FLII: variants seen among roughly 807,000 people sequenced by gnomAD.
FLII encodes protein flightless-1 homolog.
A neutral mutation model predicts 156.2 loss-of-function variants in FLII; 101 were observed. The observed-to-expected ratio is 0.65, with a 90% CI of 0.55 to 0.76. The LOEUF is 0.76. Ranked by LOEUF, FLII falls within the 30% of genes least tolerant of loss-of-function variation. FLII has a pLI of 0.00. For synonymous variants in FLII, 767 were observed against 685.8 expected (o/e 1.12, Z -1.85); for missense variants, 1,675 against 1,682.8 (o/e 1.00, Z 0.08).
Position 18,246,471 on chromosome 17 carries a change from G to T in FLII, c.3052-9C>A. 6.2e-7 allele frequency: 1 copy of T among 1,613,758 alleles called. No homozygotes were observed. The highest frequency in any genetic ancestry group is 8.5e-7 in the Non-Finnish European group (1 of 1,179,978). On this transcript the variant is annotated splice_polypyrimidine_tract_variant and intron_variant, in intron 23 of 29. Coordinates refer to ENST00000327031, the MANE Select transcript of FLII (RefSeq NM_002018.4). ...TGCGTCATGCGTACCACCTGGGGAT[G>T]TGGAAGTGTTAGGGGCAGCTCCCTG... is the stretch of plus-strand genomic sequence containing the variant.
chr17:18,251,129 C>G, intron 13 of FLII, 112 bp from the exon 14 acceptor site: 1 of 1,421,706 alleles, frequency 7.0e-7, no homozygotes, highest in Non-Finnish European at 9.5e-7. Flanking sequence ...TGTACTGCCC[C>G]TGTGCCTGGA....
chr17:18,248,082 C>T lies in FLII; in HGVS notation c.2191-49G>A, dbSNP rs201284574. The stretch of plus-strand genomic sequence containing the variant: ...AGGGAAGGGATCTGGAGACAGGAAC[C>T]TCACCCACACAGCCCTCTGCTCTGG... On this transcript the variant is annotated intron_variant, in intron 18 of 29. Coordinates refer to ENST00000327031, the MANE Select transcript of FLII (RefSeq NM_002018.4). The T allele has an allele frequency of 2.1e-4, 274 of 1,314,000 alleles. No homozygotes were observed. In the African/African-American group the frequency reaches 3.7e-3, roughly 18 times the overall value. The allele number at this position is 1,314,000 out of a possible 1,614,324, so 81.4% of individuals were successfully genotyped here. A position where few individuals can be genotyped will look rare whatever the true frequency, so the allele number is the denominator to read the frequency against.
Position 18,257,012 on chromosome 17 carries a change from T to G in FLII, c.71A>C (p.Tyr24Ser). The G allele has an allele frequency of 6.2e-7, 1 of 1,603,552 alleles. No homozygotes were observed. Among genetic ancestry groups the G allele is most frequent in the South Asian group, 1.1e-5 (1 of 89,244 alleles). The change falls in exon 2 of 30, where the codon TAC becomes TCC. Residue 24 changes from tyrosine (Y) to serine (S), a missense_variant. Physicochemically the swap from Tyr to Ser is moderately radical, Grantham distance 144. Around this residue, in one of 2 missense-constraint regions of FLII, gnomAD observed 343 missense variants for 413.5 expected, o/e 0.83. Transcript: ENST00000327031. ...CATGGCCTTGACATTCTCAGGGAAGTAGCCGCCCTGGGGGAAGGATGTCAA... is the reference window on the plus strand; with the variant it reads ...CATGGCCTTGACATTCTCAGGGAAGGAGCCGCCCTGGGGGAAGGATGTCAA... ...DLSGNDFKGG[Y>S]FPENVKAMTS...
chr17:18,258,571 G>T lies in FLII; in HGVS notation c.63+57C>A. Reference sequence around the variant, plus strand: ...CGGGACAGGAAGCGGAGGCCAAGCGGGCCGGGCGGAAGAGAAGGCCTGCAG... The same window carrying T: ...CGGGACAGGAAGCGGAGGCCAAGCGTGCCGGGCGGAAGAGAAGGCCTGCAG... On this transcript the variant is annotated intron_variant, in intron 1 of 29. Transcript: ENST00000327031. This position sits in a 1 kb window ranked among gnomAD's most constrained non-coding sequence, Gnocchi z 4.2. The T allele has an allele frequency of 1.2e-5, 18 of 1,525,692 alleles. No individual in the cohort carries two copies. The South Asian group carries it at 2.2e-4, about 18-fold the overall frequency. 94.5% of individuals were successfully genotyped at this position (1,525,692 alleles called of 1,614,324 possible).
At chr17:18,256,876 G>T in intron 2 of FLII, 33 bp downstream of exon 2, 1 of 1,459,288 alleles carries the variant, frequency 6.9e-7, no homozygotes, top group South Asian at 1.2e-5. Flanking sequence ...CTCATCCACA[G>T]GGACCCTCCC....
chr17:18,258,594 C>A lies in FLII; in HGVS notation c.63+34G>T. 1 of 1,541,374 alleles carries A rather than the reference C, an allele frequency of 6.5e-7. No individual in the cohort carries two copies. Among genetic ancestry groups the A allele is most frequent in the Non-Finnish European group, 8.7e-7 (1 of 1,152,824 alleles). On this transcript the variant is annotated intron_variant, in intron 1 of 29. Coordinates refer to ENST00000327031, the MANE Select transcript of FLII (RefSeq NM_002018.4). The surrounding 1 kb of genome is among the most constrained non-coding windows in gnomAD (Gnocchi z 4.2). ...CGGGCCGGGCGGAAGAGAAGGCCTG[C>A]AGGGAGGCCCGGCACGCGCCCGGCC...
intron 4 of FLII, 62 bp from the exon 5 acceptor site, chr17:18,254,916 C>T (rs1486231164): frequency 3.9e-6 from 6 of 1,548,626 alleles, no homozygotes; most frequent in Non-Finnish European, 5.4e-6. Context: ...GTCTGCCAAG[C>T]TTGGGGATCA....
intron 1 of FLII, among the ~76,000 whole-genome samples, chr17:18,257,465 C>T (rs2048457443): frequency 1.3e-5 from 2 of 152,350 alleles, no homozygotes; most frequent in South Asian, 4.1e-4. Flanking sequence ...GGGTCAAACC[C>T]TTGCTTGCGG....
intron 18 of FLII, 111 bp downstream of exon 18, chr17:18,248,439 C>T (rs2048156347): frequency 2.9e-6 from 3 of 1,027,054 alleles, no homozygotes; most frequent in Non-Finnish European, 4.2e-6. Context: ...GCACCCTCTC[C>T]CCACCAAAGT....
At chr17:18,258,903 C>G (rs957392529), upstream of FLII, 5 of 281,828 alleles carry the variant, frequency 1.8e-5, no homozygotes, top group Admixed American at 5.3e-5. The surrounding 1 kb of genome is among the most constrained non-coding windows in gnomAD (Gnocchi z 4.2). Flanking sequence ...GCGGGCCCCC[C>G]CTGTGCTGGA....
chr17:18,247,587 A>G, intron 20 of FLII, 70 bp downstream of exon 20: 2 of 1,385,594 alleles, frequency 1.4e-6, no homozygotes, highest in Non-Finnish European at 1.9e-6. Context: ...GAGGTAGTGA[A>G]GCCACAGGGG....
intron 21 of FLII, 37 bp downstream of exon 21, chr17:18,247,132 C>T (rs774983584): frequency 7.8e-5 from 42 of 536,156 alleles, no homozygotes; most frequent in Non-Finnish European, 1.2e-4. Context: ...TGCCCCCCAC[C>T]CCCCCCCCCG....
chr17:18,247,054 T>G lies in FLII; in HGVS notation c.2677-2A>C. ...CCACTCCTCCATCAGCTGCTCCGCC[T>G]GCAGGTGAGAGGGACCCGCCCCGCG... On this transcript the variant is annotated splice_acceptor_variant, in intron 21 of 29. Transcript: ENST00000327031. LOFTEE classifies it high-confidence loss of function. The G allele has an allele frequency of 6.2e-7, 1 of 1,612,334 alleles. No individual in the cohort carries two copies. Among genetic ancestry groups the G allele is most frequent in the Non-Finnish European group, 8.5e-7 (1 of 1,179,950 alleles).
chr17:18,257,294 A>G, intron 1 of FLII: 1 of 446,168 alleles, frequency 2.2e-6, no homozygotes, highest in Admixed American at 4.1e-5. Context: ...TTCAGGTGAA[A>G]GCCCAGCATC....
rs1244235210 is a variant in FLII at position 18,258,661 on chromosome 17, C to G, written c.30G>C (p.Val10=). Residue 10 remains valine (V), a synonymous_variant, in exon 1 of 30, where the codon GTG becomes GTC. Transcript: ENST00000327031. The surrounding 1 kb of genome is among the most constrained non-coding windows in gnomAD (Gnocchi z 4.2). ...CGTTGCCGCTGAGGTCCACGCCACG[C>G]ACGAACGGCAGCACCCCGGTGGCCT... MEATGVLPF[V]RGVDLSGNDF... 3.9e-6 allele frequency: 6 copies of G among 1,547,726 alleles called. No homozygotes were observed. Among genetic ancestry groups the G allele is most frequent in the Non-Finnish European group, 5.2e-6 (6 of 1,156,796 alleles).
chr17:18,253,769 A>T (rs2048338012), intron 7 of FLII, 50 bp from the exon 8 acceptor site: 1 of 1,512,416 alleles, frequency 6.6e-7, no homozygotes, highest in Admixed American at 2.0e-5. Flanking sequence ...ACCAGGTGCC[A>T]GGGCAGCCAG....
At chr17:18,256,886 C>T (rs569051118) in intron 2 of FLII, 23 bp downstream of exon 2, 1 of 1,534,362 alleles carries the variant, frequency 6.5e-7, no homozygotes, top group Non-Finnish European at 8.9e-7. Context: ...GGGACCCTCC[C>T]CTGCCCGCCC....
At chr17:18,256,084 C>G (rs920213968) in intron 3 of FLII, among the ~76,000 whole-genome samples, 3 of 152,224 alleles carry the variant, frequency 2.0e-5, no homozygotes, top group East Asian at 1.9e-4. Flanking sequence ...ACACGGTGCT[C>G]CCGGCCAAAC....
chr17:18,250,262 G>C (rs2048218757), intron 14 of FLII, among the ~76,000 whole-genome samples: 1 of 152,208 alleles, frequency 6.6e-6, no homozygotes, highest in Admixed American at 6.5e-5. Context: ...ACACAAGCAA[G>C]TGGGTTCATG....
Sources: gnomAD v4.1 joint callset for allele counts (sites outside exome capture counted in the v4.1 genomes callset) on GRCh38, gnomAD v4.1.1 for gene constraint, gnomAD v4.1.1 regional missense constraint, Gnocchi (gnomAD v3.1) non-coding constraint, MANE v1.5 for transcripts, NCBI Gene and HGNC (gene_info 2026-07-23, HGNC 2026-07-21) for gene names.